Variants in FHDC1 observed in about 807,000 individuals in gnomAD.
FHDC1 encodes the protein FH2 domain containing 1.
Under a neutral mutation model 52.6 loss-of-function variants are expected in FHDC1, and 25 were observed. The observed-to-expected ratio is 0.48, with a 90% CI of 0.35 to 0.66. The LOEUF (loss-of-function observed/expected upper bound fraction) is 0.66. FHDC1 is among the 30% of genes least tolerant of loss of function. The probability of loss-of-function intolerance (pLI) is 0.01; values close to 1 mark genes in which losing one functional copy is unlikely to be tolerated. For missense variants in FHDC1, 1,459 were observed against 1,452.8 expected (o/e 1.00, Z -0.07); for synonymous variants, 616 against 581.5 (o/e 1.06, Z -0.85).
intron 9 of FHDC1, among the ~76,000 whole-genome samples, chr4:152,965,929 A>G (rs1740443882): frequency 6.6e-6 from 1 of 152,226 alleles, no homozygotes; most frequent in Non-Finnish European, 1.5e-5. Flanking sequence ...CTCAAAAGTT[A>G]CTGATTCTAT....
intron 1 of FHDC1, among the ~76,000 whole-genome samples, chr4:152,940,774 A>C (rs1739553028): frequency 6.6e-6 from 1 of 152,266 alleles, no homozygotes; most frequent in Non-Finnish European, 1.5e-5. Context: ...TTTTATGTAC[A>C]GAAGTATTTT....
At chr4:152,938,670 T>C (rs1009955642) in intron 1 of FHDC1, among the ~76,000 whole-genome samples, 2 of 152,210 alleles carry the variant, frequency 1.3e-5, no homozygotes, top group South Asian at 4.1e-4. Flanking sequence ...ATCAGAAGCA[T>C]GTGGGCCAGC....
chr4:152,934,034 C>A (rs6835202), upstream of FHDC1, among the ~76,000 whole-genome samples: 4,090 of 152,188 alleles, frequency 0.027, 100 homozygotes, highest in South Asian at 0.11. Context: ...ATGTAGGTAT[C>A]CAATTTAACT....
rs1431709869 is a variant in FHDC1 at position 152,979,117 on chromosome 4, G to T, written c.*2394G>T. ...ATAGCAGAGGGATCGGGACCTCTTGGAGGAACCCTGGGTACCAAGCTCCCA... is the reference window on the plus strand; with the variant it reads ...ATAGCAGAGGGATCGGGACCTCTTGTAGGAACCCTGGGTACCAAGCTCCCA... On this transcript the variant is annotated 3_prime_UTR_variant, in exon 12 of 12. Transcript: ENST00000511601. 1 of 152,190 alleles carries T rather than the reference G, an allele frequency of 6.6e-6. No homozygotes were observed. The highest frequency in any genetic ancestry group is 2.4e-5 in the African/African-American group (1 of 41,438). The allele number at this position is 152,190 out of a possible 1,614,324, so 9.4% of individuals were successfully genotyped here.
chr4:152,925,235 T>C, the FHDC1 span, among the ~76,000 whole-genome samples: 4 of 152,132 alleles, frequency 2.6e-5, no homozygotes, highest in African/African-American at 9.6e-5. Context: ...TTTAAGCCAA[T>C]TAATTAGACC....
At chr4:152,912,093 C>T in the FHDC1 span, 2 of 152,106 alleles carry the variant, frequency 1.3e-5, no homozygotes, top group African/African-American at 2.4e-5. Flanking sequence ...CCATTCTTAA[C>T]CACATTTCAA....
chr4:152,913,500 AG>A, the FHDC1 span, among the ~76,000 whole-genome samples: 5 of 152,206 alleles, frequency 3.3e-5, no homozygotes, highest in East Asian at 1.9e-4. Flanking sequence ...GAAAAATAAA[AG>A]TAAATTATCT....
rs1739610524 is a variant in FHDC1, at chr4:152,942,813, C to T, written c.-130-115C>T. ...TAATGCAACTTGGGATGTGTTGCCCCTCATTGATTTTCATATCCAACTCAT... is the reference window on the plus strand; with the variant it reads ...TAATGCAACTTGGGATGTGTTGCCCTTCATTGATTTTCATATCCAACTCAT... On this transcript the variant is annotated intron_variant, in intron 1 of 11. Transcript: ENST00000511601. The T allele has an allele frequency of 2.9e-5, 13 of 446,286 alleles. No homozygotes were observed. The East Asian group carries it at 4.5e-4, about 15-fold the overall frequency. 27.6% of individuals were successfully genotyped at this position (446,286 alleles called of 1,614,324 possible). A position where few individuals can be genotyped will look rare whatever the true frequency, so the allele number is the denominator to read the frequency against.
intron 2 of FHDC1, among the ~76,000 whole-genome samples, chr4:152,949,170 A>AGC (rs1739847669): frequency 2.0e-4 from 29 of 142,634 alleles, no homozygotes; most frequent in Middle Eastern, 3.7e-3. Context: ...GAAGAAGAAG[A>AGC]AGCAGAAGAA....
intron 1 of FHDC1, among the ~76,000 whole-genome samples, 164 bp downstream of exon 1, chr4:152,936,573 G>T (rs1739385816): frequency 6.6e-6 from 1 of 152,204 alleles, no homozygotes; most frequent in South Asian, 2.1e-4. Context: ...CTTCCTCCGA[G>T]CCTCACCGGG....
chr4:152,952,451 C>T (rs1739955451), intron 2 of FHDC1, among the ~76,000 whole-genome samples: 1 of 152,138 alleles, frequency 6.6e-6, no homozygotes, highest in African/African-American at 2.4e-5. Flanking sequence ...AGTCCTCCCT[C>T]CATGACTGCA....
At chr4:152,943,590 C>T (rs1739642556) in intron 2 of FHDC1, 35 bp downstream of exon 2, 2 of 1,577,248 alleles carry the variant, frequency 1.3e-6, no homozygotes, top group Non-Finnish European at 1.7e-6. Flanking sequence ...ATCCTCCACA[C>T]ACTGCATTGT....
chr4:152,971,484 G>A (rs778654715), intron 10 of FHDC1, among the ~76,000 whole-genome samples: 45 of 152,184 alleles, frequency 3.0e-4, no homozygotes, highest in Non-Finnish European at 2.8e-4. Context: ...AACTGCCATC[G>A]GGGAAGTGTG....
At position 152,975,678 on chromosome 4, in the gene FHDC1, G is replaced by A; in HGVS notation, c.2387G>A (p.Gly796Glu). Residue 796 changes from glycine to glutamate, a missense_variant, in exon 12 of 12, where the codon GGG becomes GAG. This residue lies in a region of FHDC1 where 939 missense variants were observed against 854.5 expected (regional missense o/e 1.10). Transcript: ENST00000511601. ...SEGTDSRPRG[G>E]DPEEGGEGDG... is the part of the protein sequence containing the mutation. ...GGAACCGACTCCAGACCCAGAGGCG[G>A]GGACCCGGAGGAAGGCGGGGAAGGG... 1 of 1,612,618 alleles carries A rather than the reference G, an allele frequency of 6.2e-7. No homozygotes were observed. Among genetic ancestry groups the A allele is most frequent in the Non-Finnish European group, 8.5e-7 (1 of 1,179,288 alleles).
In FHDC1 at chr4:152,979,317, C is replaced by G. The variant is rs1741006364; in HGVS notation, c.*2594C>G. 1 of 152,322 alleles carries G rather than the reference C, an allele frequency of 6.6e-6. No individual in the cohort carries two copies. Among genetic ancestry groups the G allele is most frequent in the African/African-American group, 2.4e-5 (1 of 41,456 alleles). 9.4% of individuals were successfully genotyped at this position (152,322 alleles called of 1,614,324 possible). ...GCAAGGACCCATCTCTGCCCTGGGT[C>G]AGCTCCTCAGAACCAACCCCCAGCA... On this transcript the variant is annotated 3_prime_UTR_variant, in exon 12 of 12. Transcript: ENST00000511601.
At chr4:152,920,317 A>AACAC in the FHDC1 span, among the ~76,000 whole-genome samples, 1 of 151,626 alleles carries the variant, frequency 6.6e-6, no homozygotes, top group Non-Finnish European at 1.5e-5. Flanking sequence ...TGTGACAGAG[A>AACAC]ACACACACAC....
At chr4:152,970,325 G>A (rs2149959032) in intron 10 of FHDC1, among the ~76,000 whole-genome samples, 2 of 152,340 alleles carry the variant, frequency 1.3e-5, no homozygotes, top group Middle Eastern at 3.4e-3. Flanking sequence ...TGACATTCTT[G>A]CTTTGCCAGT....
chr4:152,961,431 A>G (rs57926359), intron 6 of FHDC1, among the ~76,000 whole-genome samples: 10,838 of 152,276 alleles, frequency 0.071, 875 homozygotes, highest in African/African-American at 0.18. Flanking sequence ...TTTATTTGAA[A>G]AACTCTTTAA....
intron 10 of FHDC1, among the ~76,000 whole-genome samples, chr4:152,970,152 A>G (rs145233864): frequency 2.6e-5 from 4 of 152,366 alleles, no homozygotes; most frequent in African/African-American, 9.6e-5. Flanking sequence ...GAACTCTTCA[A>G]GGATTCAGAG....
Sources: allele counts gnomAD v4.1 joint callset (sites outside exome capture counted in the v4.1 genomes callset), GRCh38; gene constraint gnomAD v4.1.1; regional missense constraint gnomAD v4.1.1; transcripts MANE v1.5; gene names NCBI Gene and HGNC (gene_info 2026-07-23, HGNC 2026-07-21).